The following EXOC6 variants were observed in gnomAD, a reference collection of about 807,000 sequenced individuals.
The protein encoded by EXOC6 is exocyst complex component 6, also known as SEC15-like 1.
Under a neutral mutation model 112.5 loss-of-function variants are expected in EXOC6, and 60 were observed. The observed-to-expected ratio is 0.53, with a 90% CI of 0.43 to 0.66. The LOEUF (loss-of-function observed/expected upper bound fraction) is 0.66, where lower values mean the gene tolerates loss of function less well. Among genes scored for constraint, EXOC6 ranks in the 30% least tolerant of loss-of-function variants. The probability of loss-of-function intolerance (pLI) is 0.00; values close to 1 mark genes in which losing one functional copy is unlikely to be tolerated. For missense variants in EXOC6, 855 were observed against 957.1 expected (o/e 0.89, Z 1.41); for synonymous variants, 295 against 308.0 (o/e 0.96, Z 0.44).
chr10:93,000,402 C>T (rs1223874977), intron 19 of EXOC6, among the ~76,000 whole-genome samples: 2 of 152,144 alleles, frequency 1.3e-5, no homozygotes, highest in Non-Finnish European at 2.9e-5. Context: ...CTTTCAGATA[C>T]TCCTTTGGGC....
chr10:93,042,515 C>T (rs10786067), intron 20 of EXOC6, among the ~76,000 whole-genome samples: 57,561 of 151,954 alleles, frequency 0.38, 12,402 homozygotes, highest in East Asian at 0.78. Flanking sequence ...ATCTCTTTTA[C>T]GGAAGAGAAA....
At chr10:93,008,071 G>A (rs1844077303) in intron 19 of EXOC6, among the ~76,000 whole-genome samples, 1 of 152,242 alleles carries the variant, frequency 6.6e-6, no homozygotes, top group African/African-American at 2.4e-5. Flanking sequence ...TACTCAGGAG[G>A]CTGAGGCAGG....
At chr10:92,831,272 A>C (rs1846470265), upstream of EXOC6, 2 of 1,266,186 alleles carry the variant, frequency 1.6e-6, no homozygotes, top group Non-Finnish European at 2.1e-6. Flanking sequence ...CCACCAGGAC[A>C]GAAGACCTTG....
At chr10:92,996,378 T>A (rs1364432312) in intron 18 of EXOC6, among the ~76,000 whole-genome samples, 1 of 152,164 alleles carries the variant, frequency 6.6e-6, no homozygotes, top group Non-Finnish European at 1.5e-5. Flanking sequence ...AATTTATCTT[T>A]GGGAGGCCAA....
At chr10:92,887,723 C>CGCTT (rs1387335320) in intron 1 of EXOC6, among the ~76,000 whole-genome samples, 2 of 152,008 alleles carry the variant, frequency 1.3e-5, no homozygotes, top group African/African-American at 2.4e-5. Context: ...CCATTTTGAG[C>CGCTT]GCTTGCTTGC....
At chr10:92,930,893 C>A (rs1453194767) in intron 9 of EXOC6, among the ~76,000 whole-genome samples, 4 of 151,996 alleles carry the variant, frequency 2.6e-5, no homozygotes, top group Admixed American at 2.6e-4. Context: ...GCGGGCGGAT[C>A]ATGAGGTCAA....
intron 1 of EXOC6, among the ~76,000 whole-genome samples, chr10:92,875,249 C>T (rs1047756853): frequency 2.0e-5 from 3 of 152,070 alleles, no homozygotes; most frequent in East Asian, 1.9e-4. Flanking sequence ...TGTCTTTACC[C>T]GTAATTGAAT....
At chr10:92,859,773 G>T (rs965440460) in intron 1 of EXOC6, among the ~76,000 whole-genome samples, 4 of 151,868 alleles carry the variant, frequency 2.6e-5, no homozygotes, top group African/African-American at 9.7e-5. Context: ...TTCCTTCACT[G>T]CAGGCTGTTC....
intron 18 of EXOC6, among the ~76,000 whole-genome samples, chr10:92,991,298 T>C (rs1378132056): frequency 6.6e-6 from 1 of 151,826 alleles, no homozygotes; most frequent in African/African-American, 2.4e-5. Context: ...TAGCCGGGCA[T>C]GGTCCCTCAC....
At chr10:92,966,622 C>T (rs1246456378) in intron 17 of EXOC6, among the ~76,000 whole-genome samples, 1 of 151,230 alleles carries the variant, frequency 6.6e-6, no homozygotes, top group Non-Finnish European at 1.5e-5. Flanking sequence ...ATGAACTCAT[C>T]ATTTTTTATG....
At position 92,915,885 on chromosome 10, in the gene EXOC6, T is replaced by TTGAAGAAGAGGATGAGAA. The variant is rs772685646; in HGVS notation, c.803_819+1dup. ...AATGAAACTGTATTGAAACATTCAC[T>TTGAAGAAGAGGATGAGAA]TGAAGAAGAGGATGAGAATGAAGAA... On this transcript the variant is annotated inframe_insertion, in exon 7 of 22. Transcript: ENST00000260762. 3.6e-5 allele frequency: 55 copies of TTGAAGAAGAGGATGAGAA among 1,545,028 alleles called. No homozygotes were observed. The African/African-American group carries it at 7.0e-4, about 20-fold the overall frequency.
intron 14 of EXOC6, among the ~76,000 whole-genome samples, chr10:92,950,321 T>C (rs1469928553): frequency 6.6e-6 from 1 of 152,148 alleles, no homozygotes; most frequent in African/African-American, 2.4e-5. Context: ...AAATTATGAA[T>C]GGAGGAGTAA....
intron 18 of EXOC6, among the ~76,000 whole-genome samples, chr10:92,976,672 A>G (rs113328434): frequency 1.4e-5 from 2 of 147,042 alleles, no homozygotes; most frequent in African/African-American, 2.6e-5. Flanking sequence ...AAAAAAAATA[A>G]TAAATTAAAA....
At chr10:92,871,605 G>A (rs994357498) in intron 1 of EXOC6, among the ~76,000 whole-genome samples, 2 of 151,494 alleles carry the variant, frequency 1.3e-5, no homozygotes, top group African/African-American at 2.4e-5. Context: ...CTAGGAGATC[G>A]AGACCAGCCT....
At chr10:92,972,288 G>A (rs537314604) in intron 17 of EXOC6, among the ~76,000 whole-genome samples, 38 of 152,278 alleles carry the variant, frequency 2.5e-4, no homozygotes, top group Middle Eastern at 6.8e-3. Flanking sequence ...TGATACTGTC[G>A]TGAGAAGGAA....
At chr10:92,938,014 C>CT (rs1852446377) in intron 12 of EXOC6, among the ~76,000 whole-genome samples, 1 of 152,148 alleles carries the variant, frequency 6.6e-6, no homozygotes, top group East Asian at 1.9e-4. Flanking sequence ...ACAAGCAAGA[C>CT]TTTTTTTCAA....
chr10:92,843,976 CAAAAAA>C (rs34641974), upstream of EXOC6, among the ~76,000 whole-genome samples: 3 of 37,894 alleles, frequency 7.9e-5, no homozygotes, highest in Admixed American at 3.8e-4. Flanking sequence ...GACTCTGTCT[CAAAAAA>C]AAAAAAAAAA....
At chr10:92,972,390 TGAGA>T (rs768423350) in intron 17 of EXOC6, among the ~76,000 whole-genome samples, 61 of 151,832 alleles carry the variant, frequency 4.0e-4, no homozygotes, top group Non-Finnish European at 7.1e-4. Context: ...CAGGCACACT[TGAGA>T]GAGAGAGAGT....
At chr10:92,848,756 G>A in intron 1 of EXOC6, 122 bp downstream of exon 1, 1 of 705,178 alleles carries the variant, frequency 1.4e-6, no homozygotes, top group Non-Finnish European at 1.8e-6. Flanking sequence ...TGCGCGCGGG[G>A]GCGGGCGGGG....
Sources: allele counts gnomAD v4.1 joint callset (sites outside exome capture counted in the v4.1 genomes callset), GRCh38; gene constraint gnomAD v4.1.1; transcripts MANE v1.5; gene names NCBI Gene and HGNC (gene_info 2026-07-23, HGNC 2026-07-21).